The following RAB3C variants were observed in gnomAD, a reference collection of about 807,000 sequenced individuals.
RAB3C encodes RAB3C, member RAS oncogene family, also known as ras-related protein Rab-3C.
Under a neutral mutation model 26.4 loss-of-function variants are expected in RAB3C, and 17 were observed. The observed-to-expected ratio is 0.64, with a 90% CI of 0.44 to 0.97. The LOEUF is 0.97. Ranked by LOEUF, RAB3C falls within the 50% of genes least tolerant of loss-of-function variation. The probability of loss-of-function intolerance (pLI) is 0.00; values close to 1 mark genes in which losing one functional copy is unlikely to be tolerated. For missense variants in RAB3C, 242 were observed against 281.9 expected, an observed-to-expected ratio of 0.86 and a Z score of 1.01; for synonymous variants, 91 against 95.9, an observed-to-expected ratio of 0.95 and a Z score of 0.30.
chr5:58,819,780 G>A (rs1743297362), intron 3 of RAB3C, among the ~76,000 whole-genome samples: 1 of 152,132 alleles, frequency 6.6e-6, no homozygotes, highest in Non-Finnish European at 1.5e-5. Context: ...TGGGGAGGCT[G>A]TGGCGTGAGA....
chr5:58,834,020 A>ATTTCTT (rs1743679713), intron 4 of RAB3C, among the ~76,000 whole-genome samples: 1 of 152,236 alleles, frequency 6.6e-6, no homozygotes, highest in Non-Finnish European at 1.5e-5. Context: ...TGATAACACA[A>ATTTCTT]GAAATTAGTT....
intron 3 of RAB3C, among the ~76,000 whole-genome samples, chr5:58,815,103 T>G (rs1743187069): frequency 6.6e-6 from 1 of 152,146 alleles, no homozygotes; most frequent in South Asian, 2.1e-4. Flanking sequence ...GAAGCATTTT[T>G]GGTTTTTCCA....
chr5:58,813,615 TATATATATATATATATATAC>T (rs1409360783), intron 3 of RAB3C, among the ~76,000 whole-genome samples: 14 of 61,138 alleles, frequency 2.3e-4, no homozygotes, highest in Non-Finnish European at 5.3e-4. Context: ...TATATATATA[TATATATATATATATATATAC>T]ACACACACAC....
intron 1 of RAB3C, among the ~76,000 whole-genome samples, chr5:58,596,194 C>G (rs755403920): frequency 4.6e-5 from 7 of 151,932 alleles, no homozygotes; most frequent in Non-Finnish European, 1.0e-4. Context: ...ATTGGTAACC[C>G]TACCCATACC....
chr5:58,844,605 T>A (rs1743947082), intron 4 of RAB3C, among the ~76,000 whole-genome samples: 3 of 152,206 alleles, frequency 2.0e-5, no homozygotes, highest in Admixed American at 6.5e-5. Flanking sequence ...CAGAATGACC[T>A]TTCCTTGCAG....
At chr5:58,747,303 TAA>T (rs1053530530) in intron 3 of RAB3C, among the ~76,000 whole-genome samples, 3 of 152,228 alleles carry the variant, frequency 2.0e-5, no homozygotes, top group Non-Finnish European at 4.4e-5. Flanking sequence ...ATTTTTGGTA[TAA>T]GTTTCCCATG....
At chr5:58,833,579 C>A (rs1743668879) in intron 4 of RAB3C, among the ~76,000 whole-genome samples, 1 of 152,014 alleles carries the variant, frequency 6.6e-6, no homozygotes. Flanking sequence ...GATGGAGGTA[C>A]CTGGCCTGAG....
intron 2 of RAB3C, among the ~76,000 whole-genome samples, chr5:58,668,284 A>C (rs563239853): frequency 2.6e-5 from 4 of 152,350 alleles, no homozygotes; most frequent in African/African-American, 9.6e-5. Context: ...AGAGATAAAT[A>C]AAGGAATAAA....
intron 3 of RAB3C, among the ~76,000 whole-genome samples, chr5:58,812,491 C>T (rs1743116072): frequency 6.6e-6 from 1 of 152,136 alleles, no homozygotes; most frequent in Admixed American, 6.5e-5. Context: ...GGTGCAGACA[C>T]CAGTGTCTTG....
chr5:58,722,367 G>A (rs1331373732), intron 2 of RAB3C, among the ~76,000 whole-genome samples: 2 of 151,348 alleles, frequency 1.3e-5, no homozygotes, highest in Non-Finnish European at 3.0e-5. Context: ...AGAGAAGGCA[G>A]CAGGCATGGG....
rs1390499336 is a variant in RAB3C, at chr5:58,797,348, AAAAAAATATGTATATATAT to A, written c.372-27687_372-27669del. ...CAGACTCCCTGGAAGACAAAAAAAA[AAAAAAATATGTATATATAT>A]AATATATATATATATATATATATAT... On this transcript the variant is annotated intron_variant, in intron 3 of 4. Transcript: ENST00000282878. 2.3e-3 allele frequency among the ~76,000 whole-genome samples: 15 copies of A among 6,650 alleles called. 1 individual carries two copies. The highest frequency in any genetic ancestry group is 0.013 in the Admixed American group (8 of 610). The allele number at this position is 6,650 out of a possible 152,430, so 4.4% of individuals were successfully genotyped here.
chr5:58,694,318 T>C (rs1748645934), intron 2 of RAB3C, among the ~76,000 whole-genome samples: 1 of 152,226 alleles, frequency 6.6e-6, no homozygotes, highest in Non-Finnish European at 1.5e-5. Flanking sequence ...CACATTTTCT[T>C]AATCTAGTCT....
At chr5:58,627,737 G>A (rs916012208) in intron 2 of RAB3C, among the ~76,000 whole-genome samples, 32 of 152,176 alleles carry the variant, frequency 2.1e-4, no homozygotes, top group Non-Finnish European at 8.8e-5. Context: ...ATAAGAGATA[G>A]CAAATGTGAG....
rs527810374 is a variant in RAB3C, at chr5:58,589,704, G to C, written c.24+6472G>C. ...GGCCTAACCCTGTAACGTGTGAATA[G>C]GTTACATTTTGTAACAGAATGGACT... On this transcript the variant is annotated intron_variant, in intron 1 of 4. Coordinates refer to ENST00000282878, the MANE Select transcript of RAB3C (RefSeq NM_138453.4). Among the ~76,000 whole-genome samples, 4 of 152,146 alleles carry C rather than the reference G, an allele frequency of 2.6e-5. No individual in the cohort carries two copies. In the South Asian group the frequency reaches 8.3e-4, roughly 32 times the overall value.
intron 2 of RAB3C, among the ~76,000 whole-genome samples, chr5:58,719,267 A>G (rs1008946310): frequency 3.3e-5 from 5 of 152,090 alleles, no homozygotes; most frequent in Admixed American, 6.6e-5. Flanking sequence ...AAGTAACAAG[A>G]TATATCAAAC....
At chr5:58,726,243 G>T in intron 3 of RAB3C, 123 bp downstream of exon 3, 2 of 509,258 alleles carry the variant, frequency 3.9e-6, no homozygotes, top group Non-Finnish European at 7.1e-6. Context: ...CTACAATCCC[G>T]CTTGTGCTTC....
rs1232826119 is a variant in RAB3C, at chr5:58,855,750, A to G, written c.*4399A>G. The G allele has an allele frequency of 2.6e-5, 4 of 152,208 alleles. No individual in the cohort carries two copies. The highest frequency in any genetic ancestry group is 9.6e-5 in the African/African-American group (4 of 41,460). The allele number at this position is 152,208 out of a possible 1,614,324, so 9.4% of individuals were successfully genotyped here. ...TATATCATGGAATTTACTGGGCCAA[A>G]TTAAGTAAAAGATGAAGTTTATGAC... On this transcript the variant is annotated 3_prime_UTR_variant, in exon 5 of 5. Coordinates refer to ENST00000282878, the MANE Select transcript of RAB3C (RefSeq NM_138453.4).
chr5:58,655,360 T>G (rs1747747400), intron 2 of RAB3C, among the ~76,000 whole-genome samples: 1 of 152,180 alleles, frequency 6.6e-6, no homozygotes, highest in Non-Finnish European at 1.5e-5. Flanking sequence ...TGTGGAAGAA[T>G]TGTATAAAAG....
intron 1 of RAB3C, among the ~76,000 whole-genome samples, chr5:58,616,007 C>CACAT (rs1175949332): frequency 6.6e-6 from 1 of 151,772 alleles, no homozygotes. Flanking sequence ...CACACACACA[C>CACAT]ACACCCCTGA....
Sources: gnomAD v4.1 joint callset for allele counts (sites outside exome capture counted in the v4.1 genomes callset) on GRCh38, gnomAD v4.1.1 for gene constraint, MANE v1.5 for transcripts, NCBI Gene and HGNC (gene_info 2026-07-23, HGNC 2026-07-21) for gene names.